The following HACD2 variants were observed in gnomAD, a reference collection of about 807,000 sequenced individuals.
HACD2 encodes the protein very-long-chain (3R)-3-hydroxyacyl-CoA dehydratase 2.
A neutral mutation model predicts 31.0 loss-of-function variants in HACD2; 15 were observed. The observed-to-expected ratio is 0.48, with a 90% CI of 0.32 to 0.75. The LOEUF is 0.75. Among genes scored for constraint, HACD2 ranks in the 30% least tolerant of loss-of-function variants. The pLI is 0.03. For synonymous variants in HACD2, 115 were observed against 122.2 expected, an observed-to-expected ratio of 0.94 and a Z score of 0.39; for missense variants, 283 against 313.0, an observed-to-expected ratio of 0.90 and a Z score of 0.72.
chr3:123,583,364 C>G (rs1021593713), intron 1 of HACD2, among the ~76,000 whole-genome samples: 2 of 152,078 alleles, frequency 1.3e-5, no homozygotes, highest in Non-Finnish European at 2.9e-5. Flanking sequence ...ATGCCCTCAC[C>G]GGCTCTTGCT....
chr3:123,505,722 A>T (rs1350794577), intron 4 of HACD2, among the ~76,000 whole-genome samples: 4 of 152,244 alleles, frequency 2.6e-5, no homozygotes, highest in Non-Finnish European at 5.9e-5. Context: ...AGTCTGCTAG[A>T]AGAACTCTTC....
At position 123,584,245 on chromosome 3, in the gene HACD2, A is replaced by T. The variant is rs114801489; in HGVS notation, c.155+628T>A. Among the ~76,000 whole-genome samples the T allele has an allele frequency of 3.6e-3, 549 of 152,334 alleles. 6 individuals are homozygous for T. The highest frequency in any genetic ancestry group is 0.013 in the African/African-American group (533 of 41,570). The stretch of plus-strand genomic sequence containing the variant: ...GAAATGAAAGAGACAGAAGATGGGT[A>T]AAACCGTTTCGAGGGTCCATTCTCC... On this transcript the variant is annotated intron_variant, in intron 1 of 6. Coordinates refer to ENST00000383657, the MANE Select transcript of HACD2 (RefSeq NM_198402.5).
chr3:123,506,356 G>A (rs2107685022), intron 4 of HACD2, among the ~76,000 whole-genome samples: 1 of 152,268 alleles, frequency 6.6e-6, no homozygotes, highest in Admixed American at 6.5e-5. Flanking sequence ...CTGGACACAG[G>A]GATGTGTGGA....
chr3:123,548,671 A>C (rs924093009), intron 3 of HACD2, among the ~76,000 whole-genome samples: 6 of 151,968 alleles, frequency 3.9e-5, no homozygotes. Flanking sequence ...ACTTAGGCTA[A>C]AGTAAAATGG....
chr3:123,542,159 A>AAAAAAAAAAAAAAAAAAAC (rs2056500287), intron 3 of HACD2, among the ~76,000 whole-genome samples: 1 of 148,774 alleles, frequency 6.7e-6, no homozygotes, highest in African/African-American at 2.5e-5. Context: ...AAAAAAAAAA[A>AAAAAAAAAAAAAAAAAAAC]AAAAAAAAAA....
intron 4 of HACD2, among the ~76,000 whole-genome samples, chr3:123,519,311 C>CTTT (rs2056184643): frequency 6.6e-6 from 1 of 152,188 alleles, no homozygotes; most frequent in South Asian, 2.1e-4. Context: ...TTACTCCAGA[C>CTTT]TTGGAAAGAG....
chr3:123,582,414 G>T (rs186443080), intron 1 of HACD2, 85 bp from the exon 2 acceptor site: 35 of 876,784 alleles, frequency 4.0e-5, no homozygotes, highest in East Asian at 1.1e-4. Flanking sequence ...GGCAATAAAA[G>T]ATATTGCTAA....
chr3:123,563,579 T>C (rs1329717996), intron 3 of HACD2, among the ~76,000 whole-genome samples: 1 of 152,154 alleles, frequency 6.6e-6, no homozygotes, highest in African/African-American at 2.4e-5. Context: ...TAGGGCTTAG[T>C]GCTGTGTGAA....
At chr3:123,580,851 G>T (rs1419288332) in intron 2 of HACD2, among the ~76,000 whole-genome samples, 5 of 118,740 alleles carry the variant, frequency 4.2e-5, no homozygotes, top group South Asian at 2.8e-4. Flanking sequence ...ATGAGATAAA[G>T]AATTTTTTTT....
At chr3:123,577,933 GTTT>G (rs1404981865) in intron 2 of HACD2, among the ~76,000 whole-genome samples, 7 of 152,150 alleles carry the variant, frequency 4.6e-5, no homozygotes, top group South Asian at 2.1e-4. Context: ...CAATCTAGTG[GTTT>G]TTAATATGTT....
chr3:123,545,117 CT>C (rs2056542063), intron 3 of HACD2, among the ~76,000 whole-genome samples: 1 of 138,264 alleles, frequency 7.2e-6, no homozygotes, highest in South Asian at 2.3e-4. Flanking sequence ...TTACCTTCTT[CT>C]TTAGTACTTT....
Position 123,575,032 on chromosome 3 carries a change from C to A in HACD2, c.273+7180G>T, listed in dbSNP as rs978058635. Among the ~76,000 whole-genome samples, 3 of 152,004 alleles carry A rather than the reference C, an allele frequency of 2.0e-5. No individual in the cohort carries two copies. In the East Asian group the frequency reaches 5.8e-4, roughly 29 times the overall value. On this transcript the variant is annotated intron_variant, in intron 2 of 6. Transcript: ENST00000383657. ...CACATGATCACACTGCATTCTGTAC[C>A]GTGGTCTAAAGGCTTATACTGTGCA...
intron 6 of HACD2, among the ~76,000 whole-genome samples, chr3:123,496,695 A>G (rs1345285205): frequency 5.9e-5 from 9 of 152,358 alleles, no homozygotes; most frequent in African/African-American, 2.2e-4. Context: ...ACCATTAGGA[A>G]TGTTAATGGT....
chr3:123,500,722 A>T, intron 5 of HACD2, 29 bp from the exon 6 acceptor site: 1 of 1,522,560 alleles, frequency 6.6e-7, no homozygotes, highest in Non-Finnish European at 8.9e-7. Context: ...TTCATTACTG[A>T]GGCTCAAAGT....
At chr3:123,561,248 G>A (rs535516150) in intron 3 of HACD2, among the ~76,000 whole-genome samples, 40 of 152,168 alleles carry the variant, frequency 2.6e-4, no homozygotes, top group Admixed American at 1.1e-3. Context: ...GGAGCCATAC[G>A]CTACCGATGA....
At chr3:123,536,448 AG>A (rs34527595) in intron 3 of HACD2, among the ~76,000 whole-genome samples, 1 of 152,254 alleles carries the variant, frequency 6.6e-6, no homozygotes, top group East Asian at 1.9e-4. Flanking sequence ...AGGAAACAAA[AG>A]GAAACCACCC....
At chr3:123,505,210 A>T (rs1050617105) in intron 4 of HACD2, among the ~76,000 whole-genome samples, 8 of 152,242 alleles carry the variant, frequency 5.3e-5, no homozygotes, top group Admixed American at 5.2e-4. Flanking sequence ...ACCTAGGGTG[A>T]GGCAGAGACA....
chr3:123,546,151 A>G (rs1441720166), intron 3 of HACD2, among the ~76,000 whole-genome samples: 3 of 152,214 alleles, frequency 2.0e-5, no homozygotes, highest in African/African-American at 7.2e-5. Context: ...ATGACCACGT[A>G]TATTACCTAG....
At chr3:123,502,900 C>T in intron 4 of HACD2, 1 of 479,430 alleles carries the variant, frequency 2.1e-6, no homozygotes, top group South Asian at 3.1e-5. Context: ...GCCTCAGTCA[C>T]CAGGAGTGAG....
Sources: gnomAD v4.1 joint callset for allele counts (sites outside exome capture counted in the v4.1 genomes callset) on GRCh38, gnomAD v4.1.1 for gene constraint, MANE v1.5 for transcripts, NCBI Gene and HGNC (gene_info 2026-07-23, HGNC 2026-07-21) for gene names.